Variants in MRO observed in about 807,000 individuals in gnomAD.
The protein encoded by MRO is protein maestro.
A neutral mutation model predicts 31.0 loss-of-function variants in MRO; 28 were observed. The observed-to-expected ratio is 0.90, with a 90% CI of 0.67 to 1.24. The LOEUF is 1.24. Among genes scored for constraint, MRO ranks in the 50% most tolerant of loss-of-function variants. The pLI is 0.00. For synonymous variants in MRO, 108 were observed against 108.4 expected (o/e 1.00, Z 0.02); for missense variants, 332 against 289.2 (o/e 1.15, Z -1.07).
At position 50,807,275 on chromosome 18, in the gene MRO, T is replaced by C. The variant is rs145950118; in HGVS notation, c.100-425A>G. Among the ~76,000 whole-genome samples the C allele has an allele frequency of 7.6e-4, 116 of 152,312 alleles. No homozygotes were observed. The East Asian group carries it at 0.019, about 25-fold the overall frequency. ...TCTTTCCCATTTTTCTGCTCTCCTT[T>C]GTAGCCAAATGCCTTGAAAGACATC... On this transcript the variant is annotated intron_variant, in intron 3 of 7. Coordinates refer to ENST00000398439, the MANE Select transcript of MRO (RefSeq NM_031939.6).
upstream of MRO, among the ~76,000 whole-genome samples, chr18:50,823,356 C>T (rs1312848080): frequency 6.6e-6 from 1 of 152,200 alleles, no homozygotes; most frequent in Non-Finnish European, 1.5e-5. Context: ...TTTATCCCTC[C>T]AGCACATGGA....
At chr18:50,814,606 G>T in intron 2 of MRO, 2 of 213,404 alleles carry the variant, frequency 9.4e-6, no homozygotes, top group East Asian at 2.2e-4. Context: ...TAAGGTTGAT[G>T]GGCATATAGC....
chr18:50,825,010 AGTGAG>A (rs1915462412), upstream of MRO, among the ~76,000 whole-genome samples: 1 of 150,464 alleles, frequency 6.6e-6, no homozygotes, highest in Non-Finnish European at 1.5e-5. Flanking sequence ...CAGAGGTCGC[AGTGAG>A]CCGAGATCGC....
At chr18:50,806,015 C>T (rs561945382) in intron 4 of MRO, among the ~76,000 whole-genome samples, 1 of 151,092 alleles carries the variant, frequency 6.6e-6, no homozygotes, top group Non-Finnish European at 1.5e-5. Context: ...GGCTGGAGTG[C>T]CTGGTGTGAT....
chr18:50,821,199 C>T (rs547263283), upstream of MRO, among the ~76,000 whole-genome samples: 1 of 152,152 alleles, frequency 6.6e-6, no homozygotes, highest in Non-Finnish European at 1.5e-5. Context: ...AAAGTGGTTG[C>T]AAGGGAGCCC....
chr18:50,808,946 G>A (rs1385613853), intron 3 of MRO, among the ~76,000 whole-genome samples: 3 of 150,672 alleles, frequency 2.0e-5, no homozygotes, highest in Non-Finnish European at 4.4e-5. Context: ...GACCATCCTG[G>A]CTAACAAGGT....
chr18:50,809,676 A>T (rs1364989647), intron 2 of MRO, among the ~76,000 whole-genome samples: 1 of 152,170 alleles, frequency 6.6e-6, no homozygotes, highest in Admixed American at 6.5e-5. Context: ...ACTGTCACCA[A>T]AGAAGTAAAA....
At chr18:50,804,097 T>C (rs908186017) in intron 5 of MRO, among the ~76,000 whole-genome samples, 1 of 152,212 alleles carries the variant, frequency 6.6e-6, no homozygotes, top group South Asian at 2.1e-4. Flanking sequence ...CTAACCTTTC[T>C]GTGCTTTGGT....
At chr18:50,807,233 AC>A (rs1914034438) in intron 3 of MRO, among the ~76,000 whole-genome samples, 1 of 151,908 alleles carries the variant, frequency 6.6e-6, no homozygotes, top group Non-Finnish European at 1.5e-5. Flanking sequence ...AGCTCCCTTT[AC>A]CCCTTCTTCT....
chr18:50,819,712 A>G lies in MRO; in HGVS notation c.-126-10T>C, dbSNP rs1414964874. On this transcript the variant is annotated splice_polypyrimidine_tract_variant and intron_variant, in intron 1 of 7. Transcript: ENST00000398439. ...TCCCAGCCCTGAATTCCTAACATACAAGAAGGGAAATTAGGAGGTGACGCA... is the reference window on the plus strand; with the variant it reads ...TCCCAGCCCTGAATTCCTAACATACGAGAAGGGAAATTAGGAGGTGACGCA... The G allele has an allele frequency of 6.5e-7, 1 of 1,548,864 alleles. No homozygotes were observed.
chr18:50,816,700 A>G (rs1233314577), intron 2 of MRO, among the ~76,000 whole-genome samples: 1 of 152,228 alleles, frequency 6.6e-6, no homozygotes, highest in Admixed American at 6.5e-5. Context: ...TTAAATAAAT[A>G]GGATTGGGTA....
At position 50,798,287 on chromosome 18, in the gene MRO, C is replaced by T. The variant is rs1040263685; in HGVS notation, c.*1050G>A. The T allele has an allele frequency of 2.6e-5, 4 of 152,134 alleles. No individual in the cohort carries two copies. The highest frequency in any genetic ancestry group is 7.2e-5 in the African/African-American group (3 of 41,414). 9.4% of individuals were successfully genotyped at this position (152,134 alleles called of 1,614,324 possible). ...AGCCAAAAAGTAATTAATAAAAACA[C>T]TCAGCTCACATAAATTAATAAAAAT... On this transcript the variant is annotated 3_prime_UTR_variant, in exon 8 of 8. Coordinates refer to ENST00000398439, the MANE Select transcript of MRO (RefSeq NM_031939.6).
upstream of MRO, chr18:50,820,169 A>C: frequency 1.7e-6 from 1 of 599,228 alleles, no homozygotes; most frequent in Non-Finnish European, 3.0e-6. Flanking sequence ...TAATCCTGTT[A>C]GAGCGCATTT....
At chr18:50,806,973 C>T (rs1042389642) in intron 3 of MRO, 123 bp from the exon 4 acceptor site, 10 of 951,670 alleles carry the variant, frequency 1.1e-5, no homozygotes, top group Non-Finnish European at 1.4e-5. Context: ...CTTCTTTCTC[C>T]TACTAAAGAC....
chr18:50,803,366 G>A (rs571160511), intron 5 of MRO, among the ~76,000 whole-genome samples: 1 of 152,122 alleles, frequency 6.6e-6, no homozygotes, highest in Non-Finnish European at 1.5e-5. Flanking sequence ...AATTAGCCAG[G>A]CACAGTGGCA....
At chr18:50,800,473 C>T (rs920606200) in intron 6 of MRO, among the ~76,000 whole-genome samples, 1 of 152,198 alleles carries the variant, frequency 6.6e-6, no homozygotes, top group African/African-American at 2.4e-5. Context: ...AAGCTTTGCT[C>T]CCAATTGTTT....
chr18:50,820,132 G>C (rs545272647), upstream of MRO: 19 of 620,792 alleles, frequency 3.1e-5, no homozygotes, highest in African/African-American at 3.5e-4. Context: ...GCACAAAGCC[G>C]CCGCCGTGGC....
intron 3 of MRO, among the ~76,000 whole-genome samples, chr18:50,807,747 A>G (rs774418115): frequency 2.6e-5 from 4 of 152,250 alleles, no homozygotes; most frequent in Admixed American, 6.5e-5. Context: ...AAATGCATGA[A>G]TAATGCAAAT....
At chr18:50,803,591 G>C (rs935125290) in intron 5 of MRO, among the ~76,000 whole-genome samples, 1 of 152,078 alleles carries the variant, frequency 6.6e-6, no homozygotes, top group Non-Finnish European at 1.5e-5. Flanking sequence ...CCATCTCCCC[G>C]GAGACATCTG....
Sources: gnomAD v4.1 joint callset for allele counts (sites outside exome capture counted in the v4.1 genomes callset) on GRCh38, gnomAD v4.1.1 for gene constraint, MANE v1.5 for transcripts, NCBI Gene and HGNC (gene_info 2026-07-23, HGNC 2026-07-21) for gene names.